Variants in ZMYM2 observed in about 807,000 individuals in gnomAD.
The protein encoded by ZMYM2 is zinc finger MYM-type protein 2.
A neutral mutation model predicts 162.8 loss-of-function variants in ZMYM2; 56 were observed. The observed-to-expected ratio is 0.34, with a 90% CI of 0.28 to 0.43. The LOEUF (loss-of-function observed/expected upper bound fraction) is 0.43. Ranked by LOEUF, ZMYM2 falls within the 20% of genes least tolerant of loss-of-function variation. ZMYM2 has a pLI of 1.00. For synonymous variants in ZMYM2, 510 were observed against 541.6 expected, an observed-to-expected ratio of 0.94 and a Z score of 0.81; for missense variants, 1,275 against 1,621.8, an observed-to-expected ratio of 0.79 and a Z score of 3.67.
chr13:20,011,829 A>G (rs1951217723), intron 6 of ZMYM2, among the ~76,000 whole-genome samples: 1 of 149,612 alleles, frequency 6.7e-6, no homozygotes, highest in South Asian at 2.1e-4. Flanking sequence ...TGCTCATGCA[A>G]CCTCCACCTC....
chr13:19,866,291 T>C, the ZMYM2 span, among the ~76,000 whole-genome samples: 1 of 152,130 alleles, frequency 6.6e-6, no homozygotes, highest in Admixed American at 6.6e-5. Context: ...CACTTAGAAT[T>C]GCACCTGGCA....
intron 10 of ZMYM2, 43 bp from the exon 11 acceptor site, chr13:20,034,211 G>T: frequency 1.4e-6 from 2 of 1,387,102 alleles, no homozygotes; most frequent in Non-Finnish European, 1.9e-6. Context: ...TATTTCTTAA[G>T]CTTGTCGTCA....
intron 2 of ZMYM2, among the ~76,000 whole-genome samples, chr13:19,989,788 A>G (rs1412587566): frequency 6.6e-6 from 1 of 152,192 alleles, no homozygotes; most frequent in African/African-American, 2.4e-5. Context: ...CCACCTCGCC[A>G]CTACCCTTCT....
At chr13:19,979,302 G>A in intron 2 of ZMYM2, among the ~76,000 whole-genome samples, 1 of 151,962 alleles carries the variant, frequency 6.6e-6, no homozygotes, top group African/African-American at 2.4e-5. Context: ...ATCATATTAG[G>A]GCAGTTTTCA....
At chr13:19,886,415 G>T in the ZMYM2 span, among the ~76,000 whole-genome samples, 2 of 151,408 alleles carry the variant, frequency 1.3e-5, no homozygotes, top group Admixed American at 1.3e-4. Context: ...TGCCTGCCTC[G>T]GCCTCCCAAA....
chr13:19,880,898 G>A, the ZMYM2 span, among the ~76,000 whole-genome samples: 1 of 117,366 alleles, frequency 8.5e-6, no homozygotes, highest in Non-Finnish European at 1.9e-5. Flanking sequence ...TTTGTTTTTT[G>A]TTTTTTTTTT....
the ZMYM2 span, among the ~76,000 whole-genome samples, chr13:19,897,697 A>T: frequency 6.6e-6 from 1 of 152,084 alleles, no homozygotes; most frequent in Non-Finnish European, 1.5e-5. Context: ...GTTACAAGAG[A>T]CAAAAAAGAA....
chr13:19,892,489 A>T, the ZMYM2 span, among the ~76,000 whole-genome samples: 8 of 150,718 alleles, frequency 5.3e-5, 1 homozygote, highest in South Asian at 1.7e-3. Context: ...GTTAGATAGG[A>T]TGGTCTCCAT....
intron 2 of ZMYM2, among the ~76,000 whole-genome samples, chr13:19,974,754 G>A (rs1956639033): frequency 6.6e-6 from 1 of 152,168 alleles, no homozygotes; most frequent in Non-Finnish European, 1.5e-5. Flanking sequence ...ACAGGCGTGA[G>A]CCACTGTGCC....
intron 4 of ZMYM2, among the ~76,000 whole-genome samples, chr13:20,004,258 GTTTTGTTTTT>G (rs1035243951): frequency 3.3e-5 from 5 of 151,680 alleles, no homozygotes; most frequent in African/African-American, 4.9e-5. Context: ...GTTTTGTTTT[GTTTTGTTTTT>G]TTTTGAGACG....
intron 15 of ZMYM2, chr13:20,058,966 G>T: frequency 1.9e-6 from 1 of 538,744 alleles, no homozygotes; most frequent in Non-Finnish European, 3.4e-6. Flanking sequence ...TTTCCTTGGG[G>T]ATAAGACTAC....
intron 2 of ZMYM2, among the ~76,000 whole-genome samples, chr13:19,979,113 G>C (rs540466967): frequency 6.6e-6 from 1 of 152,208 alleles, no homozygotes; most frequent in African/African-American, 2.4e-5. Flanking sequence ...AAAAAATGCT[G>C]ATAATGATAA....
intron 19 of ZMYM2, among the ~76,000 whole-genome samples, chr13:20,065,134 A>G (rs917882307): frequency 2.6e-5 from 4 of 152,176 alleles, no homozygotes; most frequent in Non-Finnish European, 5.9e-5. Context: ...TATTCTGTCA[A>G]CTTTCTGTGT....
chr13:19,889,205 A>G, the ZMYM2 span, among the ~76,000 whole-genome samples: 8 of 151,994 alleles, frequency 5.3e-5, no homozygotes, highest in African/African-American at 9.7e-5. Context: ...GCCTATTCAT[A>G]TCTTACTGGA....
At chr13:19,951,785 T>C in the ZMYM2 span, among the ~76,000 whole-genome samples, 1 of 152,088 alleles carries the variant, frequency 6.6e-6, no homozygotes, top group Non-Finnish European at 1.5e-5. Flanking sequence ...ACACTGTTGC[T>C]AGGAATGTAA....
intron 12 of ZMYM2, among the ~76,000 whole-genome samples, chr13:20,038,026 A>T (rs930893848): frequency 6.6e-6 from 1 of 152,154 alleles, no homozygotes; most frequent in Non-Finnish European, 1.5e-5. Flanking sequence ...GCTCCCACAT[A>T]TAAGTGAAAA....
the ZMYM2 span, among the ~76,000 whole-genome samples, chr13:19,941,663 G>T: frequency 7.1e-6 from 1 of 141,194 alleles, no homozygotes; most frequent in East Asian, 2.3e-4. Context: ...GTTATGTTTT[G>T]ATTTACTTGT....
At chr13:20,072,517 A>G (rs370055798) in intron 21 of ZMYM2, among the ~76,000 whole-genome samples, 1 of 152,304 alleles carries the variant, frequency 6.6e-6, no homozygotes, top group East Asian at 1.9e-4. Context: ...GCAAAACTCC[A>G]TCTCAAAAAT....
the ZMYM2 span, among the ~76,000 whole-genome samples, chr13:19,936,572 A>C: frequency 6.6e-6 from 1 of 152,066 alleles, no homozygotes; most frequent in African/African-American, 2.4e-5. Context: ...AAATACAAAA[A>C]TTAGCCGGGC....
Sources: allele counts gnomAD v4.1 joint callset (sites outside exome capture counted in the v4.1 genomes callset), GRCh38; gene constraint gnomAD v4.1.1; transcripts MANE v1.5; gene names NCBI Gene and HGNC (gene_info 2026-07-23, HGNC 2026-07-21).